Variants in YDJC observed in about 807,000 individuals in gnomAD.
YDJC encodes the protein YdjC chitooligosaccharide deacetylase homolog.
Under a neutral mutation model 18.9 loss-of-function variants are expected in YDJC, and 23 were observed. The observed-to-expected ratio is 1.22, with a 90% CI of 0.87 to 1.72. The LOEUF (loss-of-function observed/expected upper bound fraction) is 1.72. Ranked by LOEUF, YDJC falls within the 40% of genes most tolerant of loss-of-function variation. YDJC has a pLI of 0.00. For synonymous variants in YDJC, 224 were observed against 217.6 expected (o/e 1.03, Z -0.26); for missense variants, 467 against 470.8 (o/e 0.99, Z 0.07).
rs1334221923 is a variant in YDJC, at chr22:21,629,646, C to T, written c.280G>A (p.Gly94Arg). The T allele has an allele frequency of 3.7e-6, 6 of 1,612,380 alleles. No individual in the cohort carries two copies. In the Admixed American group the frequency reaches 8.3e-5, roughly 22 times the overall value. ...CCGGCCGCCACCGCCTCCCGGAATC[C>T]CATCTTGCCAAGGAAGAAGCCTTCC... Reference protein sequence around the residue: ...GPEGFFLGKMGFREAVAAGDV... With the variant: ...GPEGFFLGKMRFREAVAAGDV... The change falls in exon 2 of 5, where the codon GGA becomes AGA. Residue 94 changes from glycine (G) to arginine (R), a missense_variant. By Grantham distance (125) the Gly-to-Arg change is moderately radical. Coordinates refer to ENST00000292778, the MANE Select transcript of YDJC (RefSeq NM_001017964.2).
rs1218920821 is a variant in YDJC, at chr22:21,628,417, G to T, written c.*1C>A. On this transcript the variant is annotated 3_prime_UTR_variant, in exon 5 of 5. Transcript: ENST00000292778. The stretch of plus-strand genomic sequence containing the variant: ...ATTAGTGCTTGGTTGTCTGTAGGGG[G>T]TCAGAGTAGGGAGGGTTCCAGGAAG... The T allele has an allele frequency of 1.3e-6, 2 of 1,536,252 alleles. No individual in the cohort carries two copies. Among genetic ancestry groups the T allele is most frequent in the Admixed American group, 2.0e-5 (1 of 50,304 alleles).
Position 21,628,929 on chromosome 22 carries a change from A to G in YDJC, c.602+81T>C, listed in dbSNP as rs1029975444. 2.1e-6 allele frequency: 3 copies of G among 1,429,100 alleles called. No individual in the cohort carries two copies. In the African/African-American group the frequency reaches 4.4e-5, roughly 21 times the overall value. 88.5% of individuals were successfully genotyped at this position (1,429,100 alleles called of 1,614,324 possible). ...CGCCAGACTCGCTTCCGGGTTGAGA[A>G]ACGGACACAGCTAGCCAGGTGAACA... is the stretch of plus-strand genomic sequence containing the variant. On this transcript the variant is annotated intron_variant, in intron 4 of 4. Coordinates refer to ENST00000292778, the MANE Select transcript of YDJC (RefSeq NM_001017964.2).
At position 21,629,382 on chromosome 22, in the gene YDJC, A is replaced by G. The variant is rs1930393750; in HGVS notation, c.350T>C (p.Leu117Pro). 2.6e-6 allele frequency: 4 copies of G among 1,549,170 alleles called. No homozygotes were observed. In the African/African-American group the frequency reaches 4.1e-5, roughly 16 times the overall value. Residue 117 changes from leucine to proline, a missense_variant, in exon 3 of 5, where the codon CTA becomes CCA. Coordinates refer to ENST00000292778, the MANE Select transcript of YDJC (RefSeq NM_001017964.2). ...GCCCAGCAGCTCCCGGAAGCAGCTT[A>G]GTTGGGCCTCGAGCTCCTCCCGCAC... is the stretch of plus-strand genomic sequence containing the variant. ...PQVREELEAQLSCFRELLGRA... is the reference protein window; with the variant it reads ...PQVREELEAQPSCFRELLGRA...
Position 21,628,259 on chromosome 22 carries a change from A to C in YDJC, c.*159T>G. ...GAAGGCTGCTCAAACTCTAGATGCC[A>C]TTTGGAGGCATGAGGACCTGAGCCC... On this transcript the variant is annotated 3_prime_UTR_variant, in exon 5 of 5. Coordinates refer to ENST00000292778, the MANE Select transcript of YDJC (RefSeq NM_001017964.2). The C allele has an allele frequency of 9.6e-7, 1 of 1,039,980 alleles. No individual in the cohort carries two copies. Among genetic ancestry groups the C allele is most frequent in the Non-Finnish European group, 1.3e-6 (1 of 762,108 alleles). 64.4% of individuals were successfully genotyped at this position (1,039,980 alleles called of 1,614,324 possible). A position where few individuals can be genotyped will look rare whatever the true frequency, so the allele number is the denominator to read the frequency against.
In YDJC at chr22:21,629,923, G is replaced by A; in HGVS notation, c.92C>T (p.Ala31Val). ...RDEGIVEAFLAGAVTSVSLLV... is the reference protein window; with the variant it reads ...RDEGIVEAFLVGAVTSVSLLV... Reference sequence around the variant, plus strand: ...CAGGGACACGCTGGTCACAGCCCCGGCCAGAAAGGCCTCCACGATACCCTC... The same window carrying A: ...CAGGGACACGCTGGTCACAGCCCCGACCAGAAAGGCCTCCACGATACCCTC... Residue 31 changes from alanine (A) to valine (V), a missense_variant, in exon 1 of 5, where the codon GCC becomes GTC. Physicochemically the swap from Ala to Val is moderately conservative, Grantham distance 64 (BLOSUM62 0). Transcript: ENST00000292778. 6.2e-7 allele frequency: 1 copy of A among 1,603,440 alleles called. No individual in the cohort carries two copies.
intron 3 of YDJC, 44 bp downstream of exon 3, chr22:21,629,264 G>T (rs915829965): frequency 6.5e-7 from 1 of 1,550,034 alleles, no homozygotes; most frequent in Non-Finnish European, 8.7e-7. Context: ...CCCCAGCCCC[G>T]CCTGGGAGTA....
At chr22:21,629,516 C>T in intron 2 of YDJC, 86 bp downstream of exon 2, 1 of 1,590,352 alleles carries the variant, frequency 6.3e-7, no homozygotes. Flanking sequence ...AGTCATCCAC[C>T]GCCAGCTCCT....
In YDJC at chr22:21,628,901, C is replaced by G; in HGVS notation, c.602+109G>C. On this transcript the variant is annotated intron_variant, in intron 4 of 4. Coordinates refer to ENST00000292778, the MANE Select transcript of YDJC (RefSeq NM_001017964.2). ...GGGTAACTGGGGTGGCGGCAGCGGTCGACGCCAGACTCGCTTCCGGGTTGA... is the reference window on the plus strand; with the variant it reads ...GGGTAACTGGGGTGGCGGCAGCGGTGGACGCCAGACTCGCTTCCGGGTTGA... The G allele has an allele frequency of 2.1e-6, 3 of 1,420,008 alleles. No homozygotes were observed. The South Asian group carries it at 4.5e-5, about 21-fold the overall frequency. 88.0% of individuals were successfully genotyped at this position (1,420,008 alleles called of 1,614,324 possible).
Position 21,630,016 on chromosome 22 carries a change from G to T in YDJC, c.-2C>A, listed in dbSNP as rs1233172088. 1.1e-5 allele frequency: 18 copies of T among 1,591,626 alleles called. No homozygotes were observed. The highest frequency in any genetic ancestry group is 1.5e-5 in the Non-Finnish European group (18 of 1,174,628). Reference sequence around the variant, plus strand: ...CAGGCGCATGCGAGGGCGGGACATGGCCGCCTGGGTCCACCGCTCGCGCTC... The same window carrying T: ...CAGGCGCATGCGAGGGCGGGACATGTCCGCCTGGGTCCACCGCTCGCGCTC... On this transcript the variant is annotated 5_prime_UTR_variant, in exon 1 of 5. Coordinates refer to ENST00000292778, the MANE Select transcript of YDJC (RefSeq NM_001017964.2).
At position 21,629,603 on chromosome 22, in the gene YDJC, T is replaced by C. The variant is rs1325920160; in HGVS notation, c.323A>G (p.Gln108Arg). 1.9e-6 allele frequency: 3 copies of C among 1,612,448 alleles called. No homozygotes were observed. Among genetic ancestry groups the C allele is most frequent in the African/African-American group, 1.3e-5 (1 of 74,928 alleles). ...AVAAGDVDLP[Q>R]VREELEAQLS... ...CCTCCTGTAGCTGCGGCTCCGCACC[T>C]GAGGCAAATCCACGTCTCCGGCCGC... Residue 108 changes from glutamine to arginine, a missense_variant and splice_region_variant, in exon 2 of 5, where the codon CAG (glutamine) becomes CGG (arginine). Physicochemically the swap from Gln to Arg is conservative, Grantham distance 43. Coordinates refer to ENST00000292778, the MANE Select transcript of YDJC (RefSeq NM_001017964.2).
chr22:21,629,499 A>T (rs1301786534), intron 2 of YDJC, 92 bp from the exon 3 acceptor site: 1 of 1,569,104 alleles, frequency 6.4e-7, no homozygotes, highest in Admixed American at 1.8e-5. Flanking sequence ...CAGTGTTTGA[A>T]TGCGGAAGTC....
In YDJC at chr22:21,628,799, G is replaced by C. The variant is rs927828524; in HGVS notation, c.603-12C>G. 35 of 1,466,622 alleles carry C rather than the reference G, an allele frequency of 2.4e-5. No homozygotes were observed. Among genetic ancestry groups the C allele is most frequent in the Non-Finnish European group, 3.1e-5 (34 of 1,107,180 alleles). The allele number at this position is 1,466,622 out of a possible 1,614,324, so 90.9% of individuals were successfully genotyped here. A position where few individuals can be genotyped will look rare whatever the true frequency, so the allele number is the denominator to read the frequency against. The stretch of plus-strand genomic sequence containing the variant: ...AGGCGTCTGTCCACCTGTGGGGGGC[G>C]GGACATCAGAGGTGGGACCAGGCCG... On this transcript the variant is annotated splice_polypyrimidine_tract_variant and intron_variant, in intron 4 of 4. Transcript: ENST00000292778.
At position 21,629,585 on chromosome 22, in the gene YDJC, T is replaced by C. The variant is rs754637830; in HGVS notation, c.324+17A>G. On this transcript the variant is annotated intron_variant, in intron 2 of 4. Transcript: ENST00000292778. The stretch of plus-strand genomic sequence containing the variant: ...GGGGGTCCTCGCGAGCATCCTCCTG[T>C]AGCTGCGGCTCCGCACCTGAGGCAA... 2.5e-5 allele frequency: 40 copies of C among 1,612,416 alleles called. No homozygotes were observed. Among genetic ancestry groups the C allele is most frequent in the Non-Finnish European group, 3.1e-5 (37 of 1,179,932 alleles).
rs1186296970 is a variant in YDJC, at chr22:21,629,104, A to T, written c.508T>A (p.Cys170Ser). The part of the protein sequence containing the change: ...RLPLERGVGG[C>S]TWLEAPARAF... ...CGCGCGGGGGCCTCCAGCCAAGTGC[A>T]GCCACCCACACCGCGCTCCAGCGGC... The change falls in exon 4 of 5, where the codon TGC becomes AGC. Residue 170 changes from cysteine to serine, a missense_variant. By Grantham distance (112) the Cys-to-Ser change is moderately radical. Transcript: ENST00000292778. The T allele has an allele frequency of 1.3e-6, 2 of 1,537,126 alleles. No homozygotes were observed. The highest frequency in any genetic ancestry group is 1.4e-5 in the African/African-American group (1 of 73,098).
At position 21,628,398 on chromosome 22, in the gene YDJC, G is replaced by T; in HGVS notation, c.*20C>A. On this transcript the variant is annotated 3_prime_UTR_variant, in exon 5 of 5. Coordinates refer to ENST00000292778, the MANE Select transcript of YDJC (RefSeq NM_001017964.2). ...CTTTCTTGGTACTAAGGGGATTAGT[G>T]CTTGGTTGTCTGTAGGGGGTCAGAG... is the stretch of plus-strand genomic sequence containing the variant. 6.6e-7 allele frequency: 1 copy of T among 1,523,468 alleles called. No homozygotes were observed. Among genetic ancestry groups the T allele is most frequent in the Non-Finnish European group, 8.8e-7 (1 of 1,132,290 alleles). 94.4% of individuals were successfully genotyped at this position (1,523,468 alleles called of 1,614,324 possible). A position where few individuals can be genotyped will look rare whatever the true frequency, so the allele number is the denominator to read the frequency against.
rs575492851 is a variant in YDJC, at chr22:21,629,123, C to A, written c.489G>T (p.Leu163=). Reference sequence around the variant, plus strand: ...AAGTGCAGCCACCCACACCGCGCTCCAGCGGCAGTCGCGTAAAGCGCACCC... The same window carrying A: ...AAGTGCAGCCACCCACACCGCGCTCAAGCGGCAGTCGCGTAAAGCGCACCC... ...AYGVRFTRLP[L]ERGVGGCTWL... The change falls in exon 4 of 5, where the codon CTG becomes CTT. Residue 163 remains leucine (L), a synonymous_variant. Transcript: ENST00000292778. The A allele has an allele frequency of 1.8e-5, 28 of 1,538,662 alleles. 1 individual carries two copies. The South Asian group carries it at 3.2e-4, about 18-fold the overall frequency.
chr22:21,628,416 G>T lies in YDJC; in HGVS notation c.*2C>A. On this transcript the variant is annotated 3_prime_UTR_variant, in exon 5 of 5. Transcript: ENST00000292778. The stretch of plus-strand genomic sequence containing the variant: ...GATTAGTGCTTGGTTGTCTGTAGGG[G>T]GTCAGAGTAGGGAGGGTTCCAGGAA... 2 of 1,536,002 alleles carry T rather than the reference G, an allele frequency of 1.3e-6. No homozygotes were observed. Among genetic ancestry groups the T allele is most frequent in the Non-Finnish European group, 1.8e-6 (2 of 1,137,626 alleles).
Position 21,629,999 on chromosome 22 carries a change from T to C in YDJC, c.16A>G (p.Met6Val), listed in dbSNP as rs779832323. The change falls in exon 1 of 5, where the codon ATG becomes GTG. Residue 6 changes from methionine to valine, a missense_variant. By Grantham distance (21) the Met-to-Val change is conservative. Transcript: ENST00000292778. MSRPR[M>V]RLVVTADDFG... is the part of the protein sequence containing the mutation. ...TCGTCCGCGGTGACCACCAGGCGCA[T>C]GCGAGGGCGGGACATGGCCGCCTGG... The C allele has an allele frequency of 2.5e-6, 4 of 1,598,408 alleles. No individual in the cohort carries two copies. In the Admixed American group the frequency reaches 6.7e-5, roughly 27 times the overall value.
rs1346398525 is a variant in YDJC, at chr22:21,628,725, G to C, written c.665C>G (p.Ser222Cys). ...TTCCAGGACCCGCGCCAGGGCCCCG[G>C]ACACGCGGTGAGCGGACATGTGCCG... The part of the protein sequence containing the change: ...CGRHMSAHRV[S>C]GALARVLEGT... The change falls in exon 5 of 5, where the codon TCC (serine) becomes TGC (cysteine). Residue 222 changes from serine (S) to cysteine (C), a missense_variant. Transcript: ENST00000292778. 6.5e-7 allele frequency: 1 copy of C among 1,528,834 alleles called. No homozygotes were observed. Among genetic ancestry groups the C allele is most frequent in the Non-Finnish European group, 8.8e-7 (1 of 1,138,710 alleles). 94.7% of individuals were successfully genotyped at this position (1,528,834 alleles called of 1,614,324 possible).
Sources: gnomAD v4.1 joint callset for allele counts on GRCh38, gnomAD v4.1.1 for gene constraint, MANE v1.5 for transcripts, NCBI Gene and HGNC (gene_info 2026-07-23, HGNC 2026-07-21) for gene names.